NRXN3: variants seen among roughly 807,000 people sequenced by gnomAD.
The protein encoded by NRXN3 is neurexin III.
A neutral mutation model predicts 137.6 loss-of-function variants in NRXN3; 32 were observed. That is an observed-to-expected ratio of 0.23 (90% CI 0.18 to 0.31). The LOEUF is 0.31. Among genes scored for constraint, NRXN3 ranks in the 10% least tolerant of loss-of-function variants. NRXN3 has a pLI of 1.00. For missense variants in NRXN3, 1,574 were observed against 2,062.5 expected (o/e 0.76, Z 4.59); for synonymous variants, 798 against 784.5 (o/e 1.02, Z -0.29).
chr14:79,809,607 T>A (rs959726767), intron 20 of NRXN3, among the ~76,000 whole-genome samples: 3 of 152,180 alleles, frequency 2.0e-5, no homozygotes, highest in African/African-American at 7.2e-5. Context: ...TAAAACCATC[T>A]GCATCAAATG....
At chr14:78,179,430 T>A (rs2059578383) in intron 1 of NRXN3, among the ~76,000 whole-genome samples, 3 of 152,180 alleles carry the variant, frequency 2.0e-5, no homozygotes, top group Admixed American at 2.0e-4. Flanking sequence ...TTTTTTCCAA[T>A]AATGTGTTAA....
intron 15 of NRXN3, among the ~76,000 whole-genome samples, chr14:79,048,453 C>T (rs920706232): frequency 6.6e-6 from 1 of 152,038 alleles, no homozygotes; most frequent in Non-Finnish European, 1.5e-5. Context: ...TGATTGACAC[C>T]GATTGGCACA....
intron 15 of NRXN3, among the ~76,000 whole-genome samples, chr14:79,298,403 C>G (rs937840100): frequency 2.0e-5 from 3 of 152,050 alleles, no homozygotes; most frequent in Admixed American, 2.0e-4. Flanking sequence ...AAGTGTGGCT[C>G]CATGGCTTCT....
At chr14:79,288,591 G>A (rs2082664924) in intron 15 of NRXN3, among the ~76,000 whole-genome samples, 1 of 152,122 alleles carries the variant, frequency 6.6e-6, no homozygotes, top group Non-Finnish European at 1.5e-5. Context: ...TGATTAACAT[G>A]GTGTTAAAGC....
At chr14:78,256,793 G>A (rs1256719391) in intron 2 of NRXN3, among the ~76,000 whole-genome samples, 1 of 152,238 alleles carries the variant, frequency 6.6e-6, no homozygotes, top group Non-Finnish European at 1.5e-5. Flanking sequence ...TGTTATGAGA[G>A]CGTAGTAAAT....
At position 79,710,137 on chromosome 14, in the gene NRXN3, C is replaced by T. The variant is rs76678286; in HGVS notation, c.4014+12200C>T. 2.6e-3 allele frequency among the ~76,000 whole-genome samples: 395 copies of T among 152,090 alleles called. 2 individuals carry two copies. The highest frequency in any genetic ancestry group is 3.9e-3 in the Non-Finnish European group (266 of 67,992). On this transcript the variant is annotated intron_variant, in intron 19 of 20. Transcript: ENST00000335750. ...CAAAAATAATAGATGCCTCCATCTG[C>T]GGCTTCTGATTTTTTTCCCTAGGGA... is the stretch of plus-strand genomic sequence containing the variant.
At chr14:79,288,727 T>C (rs1235856628) in intron 15 of NRXN3, among the ~76,000 whole-genome samples, 5 of 152,132 alleles carry the variant, frequency 3.3e-5, no homozygotes, top group Non-Finnish European at 7.4e-5. Context: ...AGTACACAGA[T>C]TGATGAAGCA....
At chr14:79,553,553 G>A (rs912667723) in intron 16 of NRXN3, among the ~76,000 whole-genome samples, 20 of 152,198 alleles carry the variant, frequency 1.3e-4, no homozygotes, top group South Asian at 4.2e-4. Context: ...CTACATGCAC[G>A]CACTCATTTG....
At position 79,861,417 on chromosome 14, in the gene NRXN3, G is replaced by T; in HGVS notation, c.4169G>T (p.Arg1390Ile). The change falls in exon 21 of 21, where the codon AGA becomes ATA. Residue 1390 changes from arginine to isoleucine, a missense_variant. Arg to Ile is a moderately conservative substitution (Grantham distance 97, BLOSUM62 -3). Coordinates refer to ENST00000335750, the MANE Select transcript of NRXN3 (RefSeq NM_001330195.2). The surrounding 1 kb of genome is among the most constrained non-coding windows in gnomAD (Gnocchi z 5.4). ...HAPKWESKDF[R>I]PNKVSETSRT... ...CCCAAGTGGGAATCCAAGGACTTTA[G>T]ACCTAACAAAGTCTCCGAAACTAGT... The T allele has an allele frequency of 6.5e-7, 1 of 1,536,272 alleles. No homozygotes were observed. The highest frequency in any genetic ancestry group is 8.7e-7 in the Non-Finnish European group (1 of 1,146,958).
intron 15 of NRXN3, among the ~76,000 whole-genome samples, chr14:79,245,451 A>G (rs545154876): frequency 1.3e-5 from 2 of 152,206 alleles, no homozygotes; most frequent in South Asian, 2.1e-4. Context: ...GAAAGGAAAA[A>G]GAAGAGAGAG....
intron 10 of NRXN3, among the ~76,000 whole-genome samples, chr14:78,882,419 C>T (rs2099131741): frequency 6.6e-6 from 1 of 151,814 alleles, no homozygotes; most frequent in African/African-American, 2.4e-5. Context: ...GCACTGTACC[C>T]TACAAAGCCA....
At chr14:79,015,201 A>C (rs995892706) in intron 15 of NRXN3, among the ~76,000 whole-genome samples, 4 of 148,272 alleles carry the variant, frequency 2.7e-5, no homozygotes, top group Non-Finnish European at 5.9e-5. Context: ...ACTGCCAAAG[A>C]CACCATTTTT....
intron 15 of NRXN3, among the ~76,000 whole-genome samples, chr14:79,277,530 C>T (rs1037181237): frequency 2.0e-5 from 3 of 152,132 alleles, no homozygotes; most frequent in Non-Finnish European, 2.9e-5. Flanking sequence ...AGAGCTTCAG[C>T]TTATTTTTCT....
At chr14:78,342,906 T>C (rs214008) in intron 4 of NRXN3, among the ~76,000 whole-genome samples, 121,279 of 152,074 alleles carry the variant, frequency 0.8, 49,940 homozygotes, top group Non-Finnish European at 0.9. Flanking sequence ...TTTCTTTATC[T>C]ACTCCCCCTG....
At chr14:78,214,579 T>C (rs1161213053) in intron 1 of NRXN3, among the ~76,000 whole-genome samples, 1 of 152,176 alleles carries the variant, frequency 6.6e-6, no homozygotes, top group Non-Finnish European at 1.5e-5. Flanking sequence ...TTTGGTCTAG[T>C]GGATAATCTA....
At chr14:78,226,244 C>G (rs987589802) in intron 1 of NRXN3, among the ~76,000 whole-genome samples, 4 of 152,102 alleles carry the variant, frequency 2.6e-5, no homozygotes, top group African/African-American at 7.2e-5. Flanking sequence ...ACCTCGTGAT[C>G]CACTCACCTT....
rs531307705 is a variant in NRXN3, at chr14:78,739,497, G to A, written c.2044+24358G>A. ...TATATCTTGTTTTATTTTTTGAGAC[G>A]GAGTTTCATTGTTGATGCGGCTGGA... On this transcript the variant is annotated intron_variant, in intron 8 of 20. Transcript: ENST00000335750. Among the ~76,000 whole-genome samples, 10 of 152,194 alleles carry A rather than the reference G, an allele frequency of 6.6e-5. No homozygotes were observed. In the East Asian group the frequency reaches 1.5e-3, roughly 24 times the overall value.
intron 2 of NRXN3, among the ~76,000 whole-genome samples, chr14:78,267,905 G>A (rs1320262659): frequency 1.3e-5 from 2 of 152,174 alleles, no homozygotes; most frequent in South Asian, 2.1e-4. Context: ...CAGTGCCTAA[G>A]TCAGTGTCTG....
intron 15 of NRXN3, among the ~76,000 whole-genome samples, chr14:79,038,025 C>G (rs1417229017): frequency 1.3e-5 from 2 of 151,944 alleles, no homozygotes; most frequent in South Asian, 4.1e-4. Context: ...AAATCCTGGA[C>G]AAGTTAATTA....
Sources: allele counts gnomAD v4.1 joint callset (sites outside exome capture counted in the v4.1 genomes callset), GRCh38; gene constraint gnomAD v4.1.1; non-coding constraint Gnocchi (gnomAD v3.1); transcripts MANE v1.5; gene names NCBI Gene and HGNC (gene_info 2026-07-23, HGNC 2026-07-21).